GLG1: variants seen among roughly 807,000 people sequenced by gnomAD.
GLG1 encodes Golgi apparatus protein 1.
Under a neutral mutation model 160.5 loss-of-function variants are expected in GLG1, and 38 were observed. That is an observed-to-expected ratio of 0.24 (90% confidence interval 0.18 to 0.31). The LOEUF (loss-of-function observed/expected upper bound fraction) is 0.31, where lower values mean the gene tolerates loss of function less well. GLG1 is among the 10% of genes least tolerant of loss of function. The pLI, the probability that GLG1 is intolerant of heterozygous loss-of-function variation, is 1.00. For synonymous variants in GLG1, 644 were observed against 543.4 expected (o/e 1.19, Z -2.57); for missense variants, 1,373 against 1,505.2 (o/e 0.91, Z 1.45).
rs764603424 is a variant in GLG1, at chr16:74,462,067, G to A, written c.3036+27C>T. On this transcript the variant is annotated intron_variant, in intron 22 of 25. Coordinates refer to ENST00000422840, the MANE Select transcript of GLG1 (RefSeq NM_001145667.2). ...GAAACTTCTCTGAGCAGCTCTGTGCGTAACCAGTTTTGCACGCAAATCCCA... is the reference window on the plus strand; with the variant it reads ...GAAACTTCTCTGAGCAGCTCTGTGCATAACCAGTTTTGCACGCAAATCCCA... 99 of 1,204,702 alleles carry A rather than the reference G, an allele frequency of 8.2e-5. 1 individual carries two copies. The highest frequency in any genetic ancestry group is 1.1e-4 in the Non-Finnish European group (86 of 810,558). The allele number at this position is 1,204,702 out of a possible 1,614,324, so 74.6% of individuals were successfully genotyped here. A position where few individuals can be genotyped will look rare whatever the true frequency, so the allele number is the denominator to read the frequency against.
chr16:74,554,525 C>A (rs2018300306), intron 1 of GLG1, among the ~76,000 whole-genome samples: 1 of 152,148 alleles, frequency 6.6e-6, no homozygotes, highest in Admixed American at 6.5e-5. Flanking sequence ...GAAAAAGACT[C>A]CATCTCAAAA....
chr16:74,479,424 T>C (rs1455096243), intron 11 of GLG1, among the ~76,000 whole-genome samples: 2 of 148,796 alleles, frequency 1.3e-5, no homozygotes, highest in African/African-American at 5.0e-5. Context: ...CCATGGTTAA[T>C]GAGAGGCTCA....
chr16:74,468,905 G>C, intron 17 of GLG1, 41 bp downstream of exon 17: 2 of 1,223,992 alleles, frequency 1.6e-6, no homozygotes, highest in Non-Finnish European at 2.4e-6. Flanking sequence ...CCAAGCCCTG[G>C]CCCACTGTGG....
At chr16:74,531,334 T>C (rs62054167) in intron 2 of GLG1, among the ~76,000 whole-genome samples, 25,854 of 152,136 alleles carry the variant, frequency 0.17, 2,693 homozygotes, top group East Asian at 0.41. Flanking sequence ...TATTGATTTA[T>C]TTAAGACAAA....
chr16:74,590,162 TAA>T (rs1196687908), intron 1 of GLG1, among the ~76,000 whole-genome samples: 1 of 151,862 alleles, frequency 6.6e-6, no homozygotes, highest in Non-Finnish European at 1.5e-5. Context: ...CACACCCACC[TAA>T]GTTTTTTGTA....
At chr16:74,537,059 G>A (rs1164800934) in intron 1 of GLG1, among the ~76,000 whole-genome samples, 1 of 152,162 alleles carries the variant, frequency 6.6e-6, no homozygotes, top group African/African-American at 2.4e-5. Flanking sequence ...AAGAAAAAAA[G>A]TTATGAAAAG....
At chr16:74,507,431 G>T (rs987822302) in intron 3 of GLG1, among the ~76,000 whole-genome samples, 4 of 151,980 alleles carry the variant, frequency 2.6e-5, no homozygotes, top group African/African-American at 9.7e-5. Context: ...TCTCCAATGT[G>T]TTTTTTAAAA....
intron 15 of GLG1, among the ~76,000 whole-genome samples, chr16:74,470,277 CTCCTTCCTTCCTT>C (rs1264322489): frequency 2.7e-5 from 4 of 148,466 alleles, no homozygotes; most frequent in Admixed American, 6.7e-5. Flanking sequence ...CCCTCCCTCC[CTCCTTCCTTCCTT>C]TCCTTCCTTC....
intron 4 of GLG1, among the ~76,000 whole-genome samples, chr16:74,497,307 C>T (rs2016228403): frequency 1.3e-5 from 2 of 150,894 alleles, no homozygotes; most frequent in Non-Finnish European, 2.9e-5. Context: ...CACACACACA[C>T]ACACACACAA....
chr16:74,491,690 G>C (rs1271488281), intron 7 of GLG1, among the ~76,000 whole-genome samples: 2 of 12,964 alleles, frequency 1.5e-4, no homozygotes, highest in Non-Finnish European at 5.9e-4. Flanking sequence ...CCAGGCTGGA[G>C]TGCAGCGCGC....
chr16:74,539,219 AAC>A (rs1450966280), intron 1 of GLG1, among the ~76,000 whole-genome samples: 2 of 149,594 alleles, frequency 1.3e-5, no homozygotes, highest in African/African-American at 4.9e-5. Context: ...TGTCATGCTA[AAC>A]ACAGTGTCAT....
chr16:74,465,599 G>A (rs1181294266), intron 19 of GLG1, 77 bp downstream of exon 19: 11 of 1,439,910 alleles, frequency 7.6e-6, no homozygotes, highest in Non-Finnish European at 1.1e-5. Context: ...AGCTGAGCCT[G>A]AGGAAGTTGC....
chr16:74,542,764 A>AGGAAGGAAGGAAGGAAG (rs2017931607), intron 1 of GLG1, among the ~76,000 whole-genome samples: 13 of 117,442 alleles, frequency 1.1e-4, no homozygotes, highest in Admixed American at 2.4e-4. Flanking sequence ...GAAGGAAGGA[A>AGGAAGGAAGGAAGGAAG]GGAAGGAAGG....
At position 74,506,299 on chromosome 16, in the gene GLG1, C is replaced by T. The variant is rs2016599908; in HGVS notation, c.558+2540G>A. On this transcript the variant is annotated intron_variant, in intron 3 of 25. Coordinates refer to ENST00000422840, the MANE Select transcript of GLG1 (RefSeq NM_001145667.2). ...AAAAGTTTTAAAACATCTCAAGAGG[C>T]CAGGAGCGGTGGCTCACACCTGTAA... Among the ~76,000 whole-genome samples, 3 of 151,682 alleles carry T rather than the reference C, an allele frequency of 2.0e-5. No homozygotes were observed. The South Asian group carries it at 6.2e-4, about 32-fold the overall frequency.
intron 1 of GLG1, among the ~76,000 whole-genome samples, chr16:74,546,414 C>A (rs1427190400): frequency 3.3e-5 from 5 of 152,122 alleles, no homozygotes; most frequent in African/African-American, 4.8e-5. Context: ...CACAGCACTG[C>A]AGCCTGGGTC....
chr16:74,556,746 ATATAT>A (rs1418400099), intron 1 of GLG1, among the ~76,000 whole-genome samples: 6 of 148,700 alleles, frequency 4.0e-5, no homozygotes, highest in Admixed American at 3.4e-4. Context: ...TCTCAAATAT[ATATAT>A]TATAATAAAT....
At chr16:74,476,168 T>C (rs573995240) in intron 12 of GLG1, among the ~76,000 whole-genome samples, 5 of 151,650 alleles carry the variant, frequency 3.3e-5, no homozygotes, top group African/African-American at 1.2e-4. Context: ...GGTGACAAAG[T>C]GAAACTGTCT....
At chr16:74,584,220 C>CG (rs2143832355) in intron 1 of GLG1, among the ~76,000 whole-genome samples, 1 of 152,300 alleles carries the variant, frequency 6.6e-6, no homozygotes, top group South Asian at 2.1e-4. Flanking sequence ...AATAGACAGC[C>CG]AGCTTTGACA....
intron 25 of GLG1, among the ~76,000 whole-genome samples, chr16:74,455,481 G>A (rs887981053): frequency 6.6e-5 from 10 of 152,186 alleles, no homozygotes; most frequent in Admixed American, 3.3e-4. Context: ...TCCTGCTGCC[G>A]CTTCCCTGAG....
Sources: gnomAD v4.1 joint callset for allele counts (sites outside exome capture counted in the v4.1 genomes callset) on GRCh38, gnomAD v4.1.1 for gene constraint, MANE v1.5 for transcripts, NCBI Gene and HGNC (gene_info 2026-07-23, HGNC 2026-07-21) for gene names.